DPP10: variants seen among roughly 807,000 people sequenced by gnomAD.
DPP10 encodes dipeptidyl peptidase like 10.
Under a neutral mutation model 120.9 loss-of-function variants are expected in DPP10, and 33 were observed. The observed-to-expected ratio is 0.27, with a 90% CI of 0.21 to 0.37. DPP10 has a LOEUF of 0.37. DPP10 is among the 10% of genes least tolerant of loss of function. DPP10 has a pLI of 1.00. For missense variants in DPP10, 816 were observed against 942.8 expected (o/e 0.87, Z 1.76); for synonymous variants, 337 against 326.1 (o/e 1.03, Z -0.36).
At chr2:114,640,421 A>T (rs1034074931) in intron 1 of DPP10, among the ~76,000 whole-genome samples, 10 of 151,944 alleles carry the variant, frequency 6.6e-5, no homozygotes, top group African/African-American at 2.4e-4. Context: ...TTTAACCTCT[A>T]AATATCTACT....
chr2:115,347,059 A>G (rs1174947968), intron 3 of DPP10, among the ~76,000 whole-genome samples: 1 of 152,212 alleles, frequency 6.6e-6, no homozygotes, highest in African/African-American at 2.4e-5. Flanking sequence ...CTGCTGTAAC[A>G]AAAGACCAGT....
At chr2:115,650,707 C>T (rs1367085415) in intron 5 of DPP10, among the ~76,000 whole-genome samples, 1 of 152,000 alleles carries the variant, frequency 6.6e-6, no homozygotes, top group South Asian at 2.1e-4. Flanking sequence ...TGAGTATTTC[C>T]TAGTGTAGCC....
intron 3 of DPP10, among the ~76,000 whole-genome samples, chr2:115,377,396 G>T (rs2065895524): frequency 6.6e-6 from 1 of 152,138 alleles, no homozygotes; most frequent in Non-Finnish European, 1.5e-5. Context: ...TTTTGATGGG[G>T]TTGTTTGTTT....
intron 5 of DPP10, among the ~76,000 whole-genome samples, chr2:115,570,364 A>T (rs770275406): frequency 1.3e-5 from 2 of 152,158 alleles, no homozygotes; most frequent in African/African-American, 4.8e-5. Flanking sequence ...AATCACCCTA[A>T]CAGTTTTAAT....
intron 1 of DPP10, among the ~76,000 whole-genome samples, chr2:115,196,080 C>G (rs17355553): frequency 0.064 from 9,678 of 152,224 alleles, 343 homozygotes; most frequent in Middle Eastern, 0.11. Context: ...ATTGAAGTGT[C>G]CTTTTTTTCC....
At chr2:115,004,721 C>T (rs1242579379) in intron 1 of DPP10, among the ~76,000 whole-genome samples, 1 of 152,160 alleles carries the variant, frequency 6.6e-6, no homozygotes, top group Non-Finnish European at 1.5e-5. Context: ...GGGTCCTACC[C>T]CATGGAGTCT....
chr2:115,302,073 G>A (rs1472947937), intron 1 of DPP10, among the ~76,000 whole-genome samples: 3 of 152,002 alleles, frequency 2.0e-5, no homozygotes, highest in Non-Finnish European at 4.4e-5. Context: ...CATGGTGGAA[G>A]GCAAAGGGGA....
At chr2:115,552,233 C>T (rs1358094340) in intron 5 of DPP10, among the ~76,000 whole-genome samples, 1 of 152,088 alleles carries the variant, frequency 6.6e-6, no homozygotes, top group Non-Finnish European at 1.5e-5. Context: ...AATTTATCCC[C>T]TTGGAATAAC....
At chr2:115,033,055 T>G (rs1703957189) in intron 1 of DPP10, among the ~76,000 whole-genome samples, 1 of 152,292 alleles carries the variant, frequency 6.6e-6, no homozygotes, top group Non-Finnish European at 1.5e-5. Context: ...CAGTCAGTCC[T>G]TGCAGGGCAC....
At chr2:114,859,204 A>G (rs1048536460) in intron 1 of DPP10, among the ~76,000 whole-genome samples, 1 of 151,950 alleles carries the variant, frequency 6.6e-6, no homozygotes, top group Non-Finnish European at 1.5e-5. Context: ...AACAAACAAA[A>G]AAACCCCACA....
At chr2:115,018,167 C>T (rs373509870) in intron 1 of DPP10, among the ~76,000 whole-genome samples, 1 of 152,168 alleles carries the variant, frequency 6.6e-6, no homozygotes, top group Non-Finnish European at 1.5e-5. Context: ...GATACCATCT[C>T]ACACCAGTTA....
chr2:114,620,387 A>G (rs1387625305), intron 1 of DPP10, among the ~76,000 whole-genome samples: 2 of 152,052 alleles, frequency 1.3e-5, no homozygotes, highest in South Asian at 2.1e-4. Flanking sequence ...GATGTTGCCT[A>G]CAGGCTGTTA....
chr2:115,542,979 A>G (rs2079263363), intron 5 of DPP10, among the ~76,000 whole-genome samples: 1 of 152,006 alleles, frequency 6.6e-6, no homozygotes, highest in Admixed American at 6.6e-5. Flanking sequence ...TATTCCATTT[A>G]CGAAATGTTG....
intron 1 of DPP10, among the ~76,000 whole-genome samples, chr2:114,520,777 C>G (rs1300183118): frequency 1.3e-5 from 2 of 152,108 alleles, no homozygotes; most frequent in Non-Finnish European, 2.9e-5. Context: ...ACAACAACTG[C>G]CAATCATGAA....
intron 1 of DPP10, among the ~76,000 whole-genome samples, chr2:114,587,649 T>C (rs983763638): frequency 2.6e-5 from 4 of 152,152 alleles, no homozygotes; most frequent in African/African-American, 9.7e-5. Context: ...TCACTGAGAT[T>C]CCAAGAAAAA....
At chr2:114,473,795 C>A (rs1481253439) in intron 1 of DPP10, among the ~76,000 whole-genome samples, 1 of 152,068 alleles carries the variant, frequency 6.6e-6, no homozygotes. Flanking sequence ...AAGTAGCTTG[C>A]AAGTAATGTA....
chr2:115,336,828 TA>T (rs1225091462), intron 2 of DPP10, among the ~76,000 whole-genome samples: 2 of 152,018 alleles, frequency 1.3e-5, no homozygotes, highest in African/African-American at 2.4e-5. Context: ...TACAATCTAA[TA>T]TTTTTTTCTG....
chr2:114,939,293 C>T (rs542014009), intron 1 of DPP10, among the ~76,000 whole-genome samples: 197 of 151,992 alleles, frequency 1.3e-3, no homozygotes, highest in Admixed American at 2.6e-3. Context: ...GTTAGGCATC[C>T]TCTTGTTCAT....
chr2:115,175,878 A>C (rs2053651857), intron 1 of DPP10, among the ~76,000 whole-genome samples: 1 of 152,258 alleles, frequency 6.6e-6, no homozygotes, highest in African/African-American at 2.4e-5. Context: ...AATCAGTTTT[A>C]GAACACTATC....
Sources: gnomAD v4.1 joint callset for allele counts (sites outside exome capture counted in the v4.1 genomes callset) on GRCh38, gnomAD v4.1.1 for gene constraint, MANE v1.5 for transcripts, NCBI Gene and HGNC (gene_info 2026-07-23, HGNC 2026-07-21) for gene names.